CTNNA2: variants seen among roughly 807,000 people sequenced by gnomAD.
CTNNA2 encodes the protein catenin alpha-2.
CTNNA2 carries 42 observed loss-of-function variants against 101.0 expected under a neutral mutation model. The ratio of observed to expected loss-of-function variants is 0.42; its 90% CI spans 0.32 to 0.54. The LOEUF is 0.54. CTNNA2 is among the 20% of genes least tolerant of loss of function. CTNNA2 has a pLI of 0.14. For missense variants in CTNNA2, 871 were observed against 1,223.1 expected (o/e 0.71, Z 4.29); for synonymous variants, 450 against 456.4 (o/e 0.99, Z 0.18).
intron 1 of CTNNA2, among the ~76,000 whole-genome samples, chr2:79,527,474 CAAAAAAA>C (rs58822666): frequency 3.5e-4 from 30 of 85,234 alleles, no homozygotes; most frequent in African/African-American, 5.0e-4. Context: ...ACTAAAAATA[CAAAAAAA>C]AAAAAAAAAA....
At chr2:80,616,832 G>T (rs1184043513) in intron 17 of CTNNA2, among the ~76,000 whole-genome samples, 3 of 151,702 alleles carry the variant, frequency 2.0e-5, no homozygotes, top group East Asian at 3.9e-4. Context: ...ATATATAAAG[G>T]CATTATTATA....
At chr2:80,560,079 A>G (rs1693442824) in intron 12 of CTNNA2, among the ~76,000 whole-genome samples, 3 of 150,828 alleles carry the variant, frequency 2.0e-5, no homozygotes, top group Non-Finnish European at 4.4e-5. Context: ...AAAAGAAAAA[A>G]GCATATTTTA....
chr2:80,593,553 G>A (rs1421937540), intron 15 of CTNNA2, among the ~76,000 whole-genome samples: 1 of 151,968 alleles, frequency 6.6e-6, no homozygotes, highest in African/African-American at 2.4e-5. Flanking sequence ...ACATTTCTAT[G>A]GCATTCAGTA....
chr2:79,338,575 A>ATATTCTTCT (rs879675967), intron 3 of CTNNA2, among the ~76,000 whole-genome samples: 5 of 115,520 alleles, frequency 4.3e-5, no homozygotes, highest in African/African-American at 1.7e-4. Context: ...CTTCCTCCTC[A>ATATTCTTCT]TCATCTTCTT....
chr2:79,424,669 G>A (rs1678574549), intron 4 of CTNNA2, among the ~76,000 whole-genome samples: 1 of 152,052 alleles, frequency 6.6e-6, no homozygotes, highest in Non-Finnish European at 1.5e-5. Flanking sequence ...GGGGTCATTA[G>A]ATCAAACTCC....
chr2:79,707,192 A>G (rs994476712), intron 2 of CTNNA2, among the ~76,000 whole-genome samples: 22 of 152,102 alleles, frequency 1.4e-4, no homozygotes, highest in African/African-American at 5.3e-4. Context: ...GGCTTGGTGA[A>G]AAGAAGATGG....
At chr2:79,995,389 G>A (rs1692470392) in intron 7 of CTNNA2, among the ~76,000 whole-genome samples, 1 of 152,146 alleles carries the variant, frequency 6.6e-6, no homozygotes, top group African/African-American at 2.4e-5. Flanking sequence ...CTGTGAGGAA[G>A]CAGCCTACCT....
chr2:79,340,617 A>G (rs1215352158), intron 3 of CTNNA2, among the ~76,000 whole-genome samples: 1 of 152,100 alleles, frequency 6.6e-6, no homozygotes, highest in Non-Finnish European at 1.5e-5. Flanking sequence ...GCGGATCACG[A>G]GGTCAGGAGA....
chr2:80,450,777 G>A lies in CTNNA2; in HGVS notation c.1290+31176G>A, dbSNP rs76284157. Among the ~76,000 whole-genome samples, 324 of 152,280 alleles carry A rather than the reference G, an allele frequency of 2.1e-3. 2 individuals are homozygous for A. Among genetic ancestry groups the A allele is most frequent in the Admixed American group, 4.2e-3 (65 of 15,302 alleles). On this transcript the variant is annotated intron_variant, in intron 9 of 18. Transcript: ENST00000402739. Reference sequence around the variant, plus strand: ...AAGTCTTCTTCTAAGAGCACTTGTTGATGGCAGAACTGTATTAGTCTATGG... The same window carrying A: ...AAGTCTTCTTCTAAGAGCACTTGTTAATGGCAGAACTGTATTAGTCTATGG...
At chr2:79,701,752 A>T (rs1685016537) in intron 2 of CTNNA2, among the ~76,000 whole-genome samples, 1 of 152,188 alleles carries the variant, frequency 6.6e-6, no homozygotes, top group Admixed American at 6.5e-5. Flanking sequence ...CTGTAATCCC[A>T]GCACTTTGGA....
chr2:79,884,375 T>A (rs957478032), intron 6 of CTNNA2, among the ~76,000 whole-genome samples: 1 of 152,154 alleles, frequency 6.6e-6, no homozygotes, highest in Non-Finnish European at 1.5e-5. Flanking sequence ...TTCCTGACAA[T>A]CCACAATCCT....
At chr2:80,192,323 G>A (rs76288130) in intron 7 of CTNNA2, among the ~76,000 whole-genome samples, 2,497 of 152,166 alleles carry the variant, frequency 0.016, 68 homozygotes, top group African/African-American at 0.057. Context: ...TCACTCTATC[G>A]CAAGCCTTAC....
At chr2:79,220,114 C>T (rs759869300) in intron 2 of CTNNA2, among the ~76,000 whole-genome samples, 1 of 152,096 alleles carries the variant, frequency 6.6e-6, no homozygotes, top group Non-Finnish European at 1.5e-5. Context: ...TTAATCAGCG[C>T]TTCCCCCAAA....
chr2:80,035,426 G>C (rs770428119), intron 7 of CTNNA2, among the ~76,000 whole-genome samples: 10 of 152,168 alleles, frequency 6.6e-5, no homozygotes, highest in Non-Finnish European at 1.3e-4. Flanking sequence ...GTTCACAATT[G>C]TTGTAAAAAG....
At chr2:80,100,664 A>G (rs1396950240) in intron 7 of CTNNA2, among the ~76,000 whole-genome samples, 4 of 152,172 alleles carry the variant, frequency 2.6e-5, no homozygotes, top group Admixed American at 6.5e-5. Context: ...AACACCCGGC[A>G]TAGTGCCCAG....
At chr2:80,323,638 G>T (rs982092694) in intron 7 of CTNNA2, among the ~76,000 whole-genome samples, 1 of 151,682 alleles carries the variant, frequency 6.6e-6, no homozygotes, top group Non-Finnish European at 1.5e-5. Context: ...TCTTAATCAC[G>T]TTCTTTGTGT....
At chr2:80,515,945 C>T (rs556891316) in intron 9 of CTNNA2, among the ~76,000 whole-genome samples, 2 of 152,306 alleles carry the variant, frequency 1.3e-5, no homozygotes, top group Admixed American at 1.3e-4. Context: ...ATGGTTTTTG[C>T]TAAGGTCTGG....
At chr2:79,909,880 G>GA in intron 7 of CTNNA2, 83 bp downstream of exon 7, 1 of 1,376,188 alleles carries the variant, frequency 7.3e-7, no homozygotes, top group Non-Finnish European at 9.9e-7. Flanking sequence ...TAGATAGCAG[G>GA]AAAAGAGAAC....
chr2:79,694,313 A>C (rs1372506323), intron 2 of CTNNA2, among the ~76,000 whole-genome samples: 1 of 152,002 alleles, frequency 6.6e-6, no homozygotes, highest in Non-Finnish European at 1.5e-5. Context: ...TAAAAAATGT[A>C]TTATGAAAGA....
Sources: allele counts gnomAD v4.1 joint callset (sites outside exome capture counted in the v4.1 genomes callset), GRCh38; gene constraint gnomAD v4.1.1; transcripts MANE v1.5; gene names NCBI Gene and HGNC (gene_info 2026-07-23, HGNC 2026-07-21).